The following SLC16A7 variants were observed in gnomAD, a reference collection of about 807,000 sequenced individuals.
The protein encoded by SLC16A7 is solute carrier family 16 member 7, also known as monocarboxylate transporter 2.
A neutral mutation model predicts 34.9 loss-of-function variants in SLC16A7; 33 were observed. The ratio of observed to expected loss-of-function variants is 0.94; its 90% CI spans 0.72 to 1.26. The LOEUF (loss-of-function observed/expected upper bound fraction) is 1.26, where lower values mean the gene tolerates loss of function less well. SLC16A7 is among the 50% of genes most tolerant of loss of function. The pLI is 0.00. For missense variants in SLC16A7, 573 were observed against 578.1 expected (o/e 0.99, Z 0.09); for synonymous variants, 201 against 206.6 (o/e 0.97, Z 0.23).
chr12:59,735,913 C>T (rs1877535064), intron 3 of SLC16A7: 1 of 1,238,442 alleles, frequency 8.1e-7, no homozygotes, highest in Non-Finnish European at 1.0e-6. Context: ...GATATAAATT[C>T]TCTATGACTT....
intron 3 of SLC16A7, among the ~76,000 whole-genome samples, chr12:59,766,589 CAT>C (rs1159652592): frequency 2.6e-5 from 4 of 152,112 alleles, no homozygotes; most frequent in African/African-American, 9.7e-5. Context: ...TTGAGATAAT[CAT>C]GTGGTTTTTG....
At chr12:59,625,942 G>T (rs1879908813) in intron 1 of SLC16A7, among the ~76,000 whole-genome samples, 1 of 151,776 alleles carries the variant, frequency 6.6e-6, no homozygotes, top group African/African-American at 2.4e-5. Context: ...GTTACTTAAA[G>T]GAGCAGATTT....
chr12:59,783,157 A>C lies in SLC16A7; in HGVS notation c.*3478A>C, dbSNP rs1368955408. Reference sequence around the variant, plus strand: ...GGTTGAAACATTTTTTATCTAAAACACCTTTAAAAAATCCCTTTCATATGT... The same window carrying C: ...GGTTGAAACATTTTTTATCTAAAACCCCTTTAAAAAATCCCTTTCATATGT... On this transcript the variant is annotated 3_prime_UTR_variant, in exon 6 of 6. Transcript: ENST00000547379. 6.6e-6 allele frequency: 1 copy of C among 152,170 alleles called. No individual in the cohort carries two copies. Among genetic ancestry groups the C allele is most frequent in the Non-Finnish European group, 1.5e-5 (1 of 68,028 alleles). The allele number at this position is 152,170 out of a possible 1,614,324, so 9.4% of individuals were successfully genotyped here. A position where few individuals can be genotyped will look rare whatever the true frequency, so the allele number is the denominator to read the frequency against.
chr12:59,723,880 TTTC>T (rs1875916107), intron 3 of SLC16A7, among the ~76,000 whole-genome samples: 1 of 152,028 alleles, frequency 6.6e-6, no homozygotes, highest in African/African-American at 2.4e-5. Flanking sequence ...ATTGCCTTTT[TTTC>T]TTCCATGTGA....
intron 3 of SLC16A7, among the ~76,000 whole-genome samples, chr12:59,743,734 C>T (rs1323257402): frequency 6.6e-6 from 1 of 152,138 alleles, no homozygotes; most frequent in East Asian, 1.9e-4. Context: ...TTTCCAATTA[C>T]ATATCAATTT....
intron 3 of SLC16A7, among the ~76,000 whole-genome samples, chr12:59,744,591 C>A (rs1592624078): frequency 6.6e-6 from 1 of 152,322 alleles, no homozygotes; most frequent in East Asian, 1.9e-4. Flanking sequence ...GGTGCAGATG[C>A]TAAAGGCTAT....
rs73357283 is a variant in SLC16A7 at position 59,639,492 on chromosome 12, T to G, written c.-129-15660T>G. ...CCCTGACTCCGGGCTCAAGCTATCCTCCTGCCTCAGCTTCCCAAGTAGCTG... is the reference window on the plus strand; with the variant it reads ...CCCTGACTCCGGGCTCAAGCTATCCGCCTGCCTCAGCTTCCCAAGTAGCTG... On this transcript the variant is annotated intron_variant, in intron 1 of 5. Coordinates refer to ENST00000547379, the MANE Select transcript of SLC16A7 (RefSeq NM_001270623.2). Among the ~76,000 whole-genome samples the G allele has an allele frequency of 3.7e-3, 566 of 152,246 alleles. 3 individuals are homozygous for G. The highest frequency in any genetic ancestry group is 0.013 in the African/African-American group (547 of 41,550).
intron 1 of SLC16A7, among the ~76,000 whole-genome samples, chr12:59,636,531 C>T (rs1592418394): frequency 6.6e-6 from 1 of 152,206 alleles, no homozygotes; most frequent in Non-Finnish European, 1.5e-5. Flanking sequence ...ATGGCACAAT[C>T]ACAGCTCACT....
intron 1 of SLC16A7, among the ~76,000 whole-genome samples, chr12:59,599,399 G>T (rs12815757): frequency 1.9e-4 from 29 of 152,090 alleles, no homozygotes; most frequent in Non-Finnish European, 3.1e-4. Context: ...CATTTATGCA[G>T]AATAGGAAAA....
chr12:59,677,063 A>G (rs112396096), intron 2 of SLC16A7, among the ~76,000 whole-genome samples: 10,487 of 151,454 alleles, frequency 0.069, 407 homozygotes, highest in Middle Eastern at 0.17. Flanking sequence ...GTGTGTGTGT[A>G]TGTGTTTTTT....
In SLC16A7 at chr12:59,597,868, T is replaced by C. The variant is rs1325351472; in HGVS notation, c.-130+1632T>C. On this transcript the variant is annotated intron_variant, in intron 1 of 5. Transcript: ENST00000547379. Reference sequence around the variant, plus strand: ...AGTTTGCAGTTACATATTACTTTTTTCCCCCCAAGGCATGTTTGAATAATA... The same window carrying C: ...AGTTTGCAGTTACATATTACTTTTTCCCCCCCAAGGCATGTTTGAATAATA... Among the ~76,000 whole-genome samples, 5 of 152,316 alleles carry C rather than the reference T, an allele frequency of 3.3e-5. No individual in the cohort carries two copies. In the East Asian group the frequency reaches 9.6e-4, roughly 29 times the overall value.
At chr12:59,713,160 C>T (rs1039254480) in intron 3 of SLC16A7, among the ~76,000 whole-genome samples, 3 of 152,064 alleles carry the variant, frequency 2.0e-5, no homozygotes, top group Admixed American at 2.0e-4. Flanking sequence ...GCTGGGATTA[C>T]AGGCACCCAC....
intron 2 of SLC16A7, among the ~76,000 whole-genome samples, chr12:59,679,533 CT>C (rs1870583350): frequency 6.6e-6 from 1 of 152,180 alleles, no homozygotes; most frequent in Non-Finnish European, 1.5e-5. Context: ...AATTTCTTGA[CT>C]GTCATTATCT....
At chr12:59,647,850 C>A (rs1374539326) in intron 1 of SLC16A7, among the ~76,000 whole-genome samples, 2 of 151,818 alleles carry the variant, frequency 1.3e-5, no homozygotes, top group African/African-American at 2.4e-5. Context: ...TGAGATCAGC[C>A]TGGGCAACAT....
intron 3 of SLC16A7, among the ~76,000 whole-genome samples, chr12:59,737,217 T>C (rs1386877328): frequency 7.2e-5 from 11 of 152,180 alleles, no homozygotes; most frequent in Middle Eastern, 3.2e-3. Context: ...TTATCTTCTT[T>C]GAGAGAATTT....
At chr12:59,657,210 T>G (rs1208392827) in intron 2 of SLC16A7, among the ~76,000 whole-genome samples, 20 of 152,022 alleles carry the variant, frequency 1.3e-4, no homozygotes, top group Non-Finnish European at 2.9e-4. Flanking sequence ...GTAGAGGCAT[T>G]TTAATATAAT....
At chr12:59,731,368 T>C (rs2137243801) in intron 3 of SLC16A7, among the ~76,000 whole-genome samples, 1 of 152,334 alleles carries the variant, frequency 6.6e-6, no homozygotes, top group East Asian at 1.9e-4. Context: ...GATATGATCA[T>C]CATTTTCCAA....
chr12:59,757,156 A>G (rs1460888761), intron 3 of SLC16A7, among the ~76,000 whole-genome samples: 1 of 150,976 alleles, frequency 6.6e-6, no homozygotes, highest in Non-Finnish European at 1.5e-5. Flanking sequence ...ACCTAATTCT[A>G]AATGACGAGT....
intron 3 of SLC16A7, among the ~76,000 whole-genome samples, chr12:59,722,730 CTG>C (rs1428241774): frequency 6.6e-6 from 1 of 151,896 alleles, no homozygotes; most frequent in African/African-American, 2.4e-5. Context: ...TAGGTGTACT[CTG>C]TCTAAAATTT....
Sources: allele counts gnomAD v4.1 joint callset (sites outside exome capture counted in the v4.1 genomes callset), GRCh38; gene constraint gnomAD v4.1.1; transcripts MANE v1.5; gene names NCBI Gene and HGNC (gene_info 2026-07-23, HGNC 2026-07-21).